SENP6: variants seen among roughly 807,000 people sequenced by gnomAD.
SENP6 encodes SUMO specific peptidase 6, also known as sentrin-specific protease 6.
A neutral mutation model predicts 134.5 loss-of-function variants in SENP6; 41 were observed. The ratio of observed to expected loss-of-function variants is 0.30; its 90% CI spans 0.24 to 0.40. The LOEUF is 0.40. Ranked by LOEUF, SENP6 falls within the 10% of genes least tolerant of loss-of-function variation. SENP6 has a pLI of 1.00. For missense variants in SENP6, 1,248 were observed against 1,312.5 expected (o/e 0.95, Z 0.76); for synonymous variants, 395 against 429.8 (o/e 0.92, Z 1.00).
chr6:75,656,427 A>G (rs1182174949), intron 7 of SENP6, among the ~76,000 whole-genome samples: 1 of 152,130 alleles, frequency 6.6e-6, no homozygotes, highest in African/African-American at 2.4e-5. Flanking sequence ...CAGCCTAGCA[A>G]AAATCACTTC....
intron 16 of SENP6, 42 bp downstream of exon 16, chr6:75,678,969 T>C (rs533550072): frequency 2.1e-6 from 2 of 954,212 alleles, no homozygotes; most frequent in African/African-American, 1.6e-5. Context: ...ATCTTTAACA[T>C]TCCGTCATAT....
Position 75,687,770 on chromosome 6 carries a change from C to T in SENP6, c.2076-8034C>T, listed in dbSNP as rs187369033. On this transcript the variant is annotated intron_variant, in intron 16 of 23. Transcript: ENST00000447266. ...TGCTGCCTGATCCTTCCTCTGGAAG[C>T]TTCGTCCCAGAGGGGCAGCTGCCTA... Among the ~76,000 whole-genome samples the T allele has an allele frequency of 4.5e-3, 692 of 152,300 alleles. 6 individuals are homozygous for T. Among genetic ancestry groups the T allele is most frequent in the South Asian group, 0.028 (136 of 4,824 alleles).
In SENP6 at chr6:75,663,824, G is replaced by T. The variant is rs1019874811; in HGVS notation, c.994+306G>T. Among the ~76,000 whole-genome samples, 3 of 134,510 alleles carry T rather than the reference G, an allele frequency of 2.2e-5. No homozygotes were observed. The East Asian group carries it at 7.5e-4, about 34-fold the overall frequency. 88.2% of individuals were successfully genotyped at this position (134,510 alleles called of 152,430 possible). On this transcript the variant is annotated intron_variant, in intron 9 of 23. Transcript: ENST00000447266. The stretch of plus-strand genomic sequence containing the variant: ...TGATAGTGGGTTTTTTTTTTTGTGG[G>T]GGGGGGGGTGCCTAAAATAACATAA...
rs763202374 is a variant in SENP6, at chr6:75,623,959, A to T, written c.206A>T (p.Lys69Met). 6.2e-7 allele frequency: 1 copy of T among 1,606,582 alleles called. No homozygotes were observed. Among genetic ancestry groups the T allele is most frequent in the South Asian group, 1.1e-5 (1 of 89,860 alleles). The stretch of plus-strand genomic sequence containing the variant: ...GATTCTGAAACCTCAAAAGGAAAAA[A>T]GGCAAGTGTTGCTTAAAATATTTTC... ...DEDSETSKGK[K>M]LNRRSEIVAN... The change falls in exon 3 of 24, where the codon AAG becomes ATG. Residue 69 changes from lysine (K) to methionine (M), a missense_variant and splice_region_variant. Physicochemically the swap from Lys to Met is moderately conservative, Grantham distance 95 (BLOSUM62 -1). Transcript: ENST00000447266.
At chr6:75,639,908 C>T (rs1328081365) in intron 5 of SENP6, among the ~76,000 whole-genome samples, 1 of 152,114 alleles carries the variant, frequency 6.6e-6, no homozygotes, top group East Asian at 1.9e-4. Context: ...TTTATAACTT[C>T]TAGGAAATGC....
chr6:75,687,708 C>T (rs1028881584), intron 16 of SENP6, among the ~76,000 whole-genome samples: 11 of 152,144 alleles, frequency 7.2e-5, no homozygotes, highest in Non-Finnish European at 1.5e-4. Context: ...GCTGGAGTTC[C>T]ACTCCAGACC....
rs185750588 is a variant in SENP6 at position 75,633,599 on chromosome 6, A to G, written c.226A>G (p.Ile76Val). 497 of 1,597,688 alleles carry G rather than the reference A, an allele frequency of 3.1e-4. No individual in the cohort carries two copies. The highest frequency in any genetic ancestry group is 4.5e-4 in the Admixed American group (25 of 55,280). ...KGKKLNRRSE[I>V]VANSSGEFIL... ...TTTACAGTTAAATCGTCGATCTGAA[A>G]TTGTTGCTAATAGCTCTGGTGAATT... The change falls in exon 4 of 24, where the codon ATT becomes GTT. Residue 76 changes from isoleucine (I) to valine (V), a missense_variant. This residue lies in a region of SENP6 where 733 missense variants were observed against 725.4 expected (regional missense o/e 1.01). Transcript: ENST00000447266.
intron 5 of SENP6, chr6:75,635,181 A>G (rs1769418628): frequency 7.7e-6 from 2 of 259,758 alleles, no homozygotes; most frequent in Non-Finnish European, 7.7e-6. Flanking sequence ...TATAAGGCTT[A>G]TAAGAGTTCA....
rs1459090420 is a variant in SENP6, at chr6:75,697,410, A to C, written c.2196-15A>C. Reference sequence around the variant, plus strand: ...GAAATATTTCAGAAGCTTATAATTTATCTCTTTCTTACAGAATACAGCAAA... The same window carrying C: ...GAAATATTTCAGAAGCTTATAATTTCTCTCTTTCTTACAGAATACAGCAAA... On this transcript the variant is annotated splice_polypyrimidine_tract_variant and intron_variant, in intron 17 of 23. Transcript: ENST00000447266. The C allele has an allele frequency of 1.1e-5, 17 of 1,559,932 alleles. No homozygotes were observed. Among genetic ancestry groups the C allele is most frequent in the Non-Finnish European group, 1.5e-5 (17 of 1,138,126 alleles).
chr6:75,697,568 G>A (rs757669811), intron 18 of SENP6, 51 bp downstream of exon 18: 3 of 1,280,006 alleles, frequency 2.3e-6, no homozygotes, highest in East Asian at 2.3e-5. Flanking sequence ...GTAAATGATG[G>A]CAATTTTTAA....
chr6:75,694,085 C>T (rs1015526890), intron 16 of SENP6, among the ~76,000 whole-genome samples: 5 of 152,062 alleles, frequency 3.3e-5, no homozygotes, highest in Non-Finnish European at 5.9e-5. Context: ...GGAGAAACCC[C>T]GTCTCTACTA....
intron 7 of SENP6, among the ~76,000 whole-genome samples, chr6:75,658,265 T>C (rs2149859671): frequency 6.6e-6 from 1 of 152,276 alleles, no homozygotes; most frequent in Admixed American, 6.5e-5. Flanking sequence ...AACTTTGTGA[T>C]TGCACTAAGC....
At chr6:75,604,629 A>G (rs1427891879) in intron 1 of SENP6, among the ~76,000 whole-genome samples, 7 of 151,786 alleles carry the variant, frequency 4.6e-5, no homozygotes, top group Non-Finnish European at 1.0e-4. Context: ...TGTCTCCAAA[A>G]AAAAAAAGCA....
At chr6:75,670,319 A>C (rs775075) in intron 10 of SENP6, among the ~76,000 whole-genome samples, 122,380 of 152,124 alleles carry the variant, frequency 0.8, 49,678 homozygotes, top group Non-Finnish European at 0.86. Context: ...CTATTCCTGA[A>C]TGCCATACTA....
intron 1 of SENP6, among the ~76,000 whole-genome samples, chr6:75,607,012 G>A (rs778355367): frequency 2.0e-5 from 3 of 152,132 alleles, no homozygotes; most frequent in Non-Finnish European, 4.4e-5. Flanking sequence ...AGATAGGAGA[G>A]CGGTGCAAGA....
intron 3 of SENP6, 25 bp from the exon 4 acceptor site, chr6:75,633,556 C>G (rs1294687209): frequency 6.4e-7 from 1 of 1,566,356 alleles, no homozygotes; most frequent in Non-Finnish European, 8.6e-7. Context: ...ATTTTTGACT[C>G]ATATTTCTGG....
At chr6:75,709,857 G>C (rs1294878803) in intron 20 of SENP6, among the ~76,000 whole-genome samples, 1 of 152,058 alleles carries the variant, frequency 6.6e-6, no homozygotes, top group Non-Finnish European at 1.5e-5. Flanking sequence ...GTCTTGTAAA[G>C]CAATTTCTTC....
intron 6 of SENP6, among the ~76,000 whole-genome samples, chr6:75,644,703 G>A (rs995641612): frequency 5.3e-5 from 8 of 152,172 alleles, no homozygotes; most frequent in East Asian, 1.9e-4. Context: ...CAGTCTGGCC[G>A]CGAACTCCTG....
rs185574103 is a variant in SENP6 at position 75,666,255 on chromosome 6, C to T, written c.995-457C>T. Among the ~76,000 whole-genome samples the T allele has an allele frequency of 5.6e-3, 804 of 144,684 alleles. 6 individuals carry two copies. The highest frequency in any genetic ancestry group is 0.019 in the African/African-American group (735 of 39,676). 94.9% of individuals were successfully genotyped at this position (144,684 alleles called of 152,430 possible). ...AAATATGATATATAAAATATATATACGATATATATAAAATATATATTATAT... is the reference window on the plus strand; with the variant it reads ...AAATATGATATATAAAATATATATATGATATATATAAAATATATATTATAT... On this transcript the variant is annotated intron_variant, in intron 9 of 23. Transcript: ENST00000447266.
Sources: gnomAD v4.1 joint callset for allele counts (sites outside exome capture counted in the v4.1 genomes callset) on GRCh38, gnomAD v4.1.1 for gene constraint, gnomAD v4.1.1 regional missense constraint, MANE v1.5 for transcripts, NCBI Gene and HGNC (gene_info 2026-07-23, HGNC 2026-07-21) for gene names.